Variants in GALNT18 observed in about 807,000 individuals in gnomAD.
GALNT18 encodes polypeptide N-acetylgalactosaminyltransferase 18, also known as GalNAc-transferase 18.
In GALNT18, 44 loss-of-function variants were observed where a neutral mutation model predicts 69.5. The observed-to-expected ratio is 0.63, with a 90% CI of 0.50 to 0.81. The LOEUF (loss-of-function observed/expected upper bound fraction) is 0.81, where lower values mean the gene tolerates loss of function less well. Among genes scored for constraint, GALNT18 ranks in the 40% least tolerant of loss-of-function variants. The pLI, the probability that GALNT18 is intolerant of heterozygous loss-of-function variation, is 0.00. For missense variants in GALNT18, 715 were observed against 810.0 expected (o/e 0.88, Z 1.42); for synonymous variants, 364 against 318.2 (o/e 1.14, Z -1.53).
intron 6 of GALNT18, among the ~76,000 whole-genome samples, chr11:11,365,267 T>C (rs1007730519): frequency 2.6e-5 from 4 of 152,168 alleles, no homozygotes; most frequent in Non-Finnish European, 5.9e-5. Flanking sequence ...TGTTCCTGTG[T>C]TAGTTTGCTG....
Position 11,413,647 on chromosome 11 carries a change from C to T in GALNT18, c.595+18974G>A, listed in dbSNP as rs111371678. Among the ~76,000 whole-genome samples the T allele has an allele frequency of 5.3e-5, 8 of 152,152 alleles. No individual in the cohort carries two copies. The highest frequency in any genetic ancestry group is 1.3e-4 in the Admixed American group (2 of 15,282). ...CTCCACTCTGGGTCTGTGGCTGCAC[C>T]CGGGGCCCCAGCATGGAGCAGAGGG... On this transcript the variant is annotated intron_variant, in intron 3 of 10. Transcript: ENST00000227756. The surrounding 1 kb of genome is among the most constrained non-coding windows in gnomAD (Gnocchi z 4.7).
intron 1 of GALNT18, among the ~76,000 whole-genome samples, chr11:11,558,179 T>C (rs765113573): frequency 3.5e-4 from 53 of 152,174 alleles, no homozygotes; most frequent in Non-Finnish European, 6.6e-4. Context: ...CTTTTTTACA[T>C]TGTAATGTTT....
chr11:11,455,404 C>T (rs561303482), intron 1 of GALNT18, among the ~76,000 whole-genome samples: 6 of 152,210 alleles, frequency 3.9e-5, no homozygotes, highest in African/African-American at 1.4e-4. Flanking sequence ...GGAAAGGATG[C>T]TTGAAGTGAG....
intron 1 of GALNT18, among the ~76,000 whole-genome samples, chr11:11,453,278 G>A (rs576115522): frequency 6.6e-6 from 1 of 152,216 alleles, no homozygotes; most frequent in African/African-American, 2.4e-5. Context: ...AACCCTCCAA[G>A]GGCCTTCCGC....
rs777267204 is a variant in GALNT18 at position 11,352,204 on chromosome 11, G to A, written c.1093-11200C>T. 147 of 1,613,728 alleles carry A rather than the reference G, an allele frequency of 9.1e-5. 1 individual carries two copies. In the South Asian group the frequency reaches 1.4e-3, roughly 15 times the overall value. On this transcript the variant is annotated intron_variant, in intron 6 of 10. Transcript: ENST00000227756. ...GTAAGCCGTGACTGGTGGTCATATCGCAGCAGTTTGTCCAGGAAATCCAAG... is the reference window on the plus strand; with the variant it reads ...GTAAGCCGTGACTGGTGGTCATATCACAGCAGTTTGTCCAGGAAATCCAAG...
chr11:11,611,854 CT>C (rs1565041474), intron 1 of GALNT18, among the ~76,000 whole-genome samples: 1 of 152,198 alleles, frequency 6.6e-6, no homozygotes, highest in East Asian at 1.9e-4. Flanking sequence ...CTGTCCACAG[CT>C]TTGTGGTGGC....
At chr11:11,514,194 G>A (rs1857220369) in intron 1 of GALNT18, among the ~76,000 whole-genome samples, 1 of 152,248 alleles carries the variant, frequency 6.6e-6, no homozygotes, top group African/African-American at 2.4e-5. Context: ...ACTTATCTAA[G>A]TCACACAGGG....
At chr11:11,527,948 A>G (rs772148095) in intron 1 of GALNT18, among the ~76,000 whole-genome samples, 3 of 152,250 alleles carry the variant, frequency 2.0e-5, no homozygotes, top group Non-Finnish European at 4.4e-5. Context: ...ATATTTGCTG[A>G]GCATTTCTGA....
intron 3 of GALNT18, among the ~76,000 whole-genome samples, chr11:11,412,831 G>A (rs1589980525): frequency 6.6e-6 from 1 of 152,086 alleles, no homozygotes; most frequent in East Asian, 1.9e-4. Flanking sequence ...TTTTGTCCAT[G>A]GGCTTCATTC....
chr11:11,431,451 A>G (rs1331849723), intron 3 of GALNT18, among the ~76,000 whole-genome samples: 1 of 152,148 alleles, frequency 6.6e-6, no homozygotes, highest in Non-Finnish European at 1.5e-5. Flanking sequence ...CATGATAGAC[A>G]ATTACCTTTA....
intron 10 of GALNT18, among the ~76,000 whole-genome samples, chr11:11,277,287 G>T (rs916135515): frequency 3.3e-5 from 5 of 152,110 alleles, no homozygotes; most frequent in African/African-American, 1.2e-4. Context: ...AGATTTTCTA[G>T]TTTTTTTGTG....
chr11:11,302,535 G>C (rs1849515366), intron 9 of GALNT18, among the ~76,000 whole-genome samples: 1 of 152,108 alleles, frequency 6.6e-6, no homozygotes. Context: ...CTCCAGCAAA[G>C]TGCCTTGACA....
At chr11:11,316,643 T>C (rs17435455) in intron 9 of GALNT18, among the ~76,000 whole-genome samples, 14,096 of 152,304 alleles carry the variant, frequency 0.093, 703 homozygotes, top group Middle Eastern at 0.1. Context: ...TTTCTTCTCC[T>C]ATAACCAACA....
rs949853856 is a variant in GALNT18 at position 11,480,500 on chromosome 11, G to T, written c.236-31564C>A. ...TCACACTGCCTTCTGAGCTGCAGTG[G>T]TCCATGAAGCACGTTGTGAACGTAT... On this transcript the variant is annotated intron_variant, in intron 1 of 10. Coordinates refer to ENST00000227756, the MANE Select transcript of GALNT18 (RefSeq NM_198516.3). The surrounding 1 kb of genome is among the most constrained non-coding windows in gnomAD (Gnocchi z 4.6). Among the ~76,000 whole-genome samples the T allele has an allele frequency of 6.6e-6, 1 of 152,134 alleles. No individual in the cohort carries two copies. The highest frequency in any genetic ancestry group is 1.5e-5 in the Non-Finnish European group (1 of 68,028).
At chr11:11,296,704 T>G (rs1390641893) in intron 9 of GALNT18, among the ~76,000 whole-genome samples, 2 of 152,208 alleles carry the variant, frequency 1.3e-5, no homozygotes, top group African/African-American at 2.4e-5. Context: ...CTGGTACAGC[T>G]GTCATCAGAG....
chr11:11,287,014 C>G (rs1456974078), intron 10 of GALNT18, among the ~76,000 whole-genome samples: 1 of 152,176 alleles, frequency 6.6e-6, no homozygotes, highest in Non-Finnish European at 1.5e-5. Context: ...TGATGGTCCC[C>G]TGAACTCACC....
chr11:11,313,800 A>C (rs567272845), intron 9 of GALNT18, among the ~76,000 whole-genome samples: 6 of 152,228 alleles, frequency 3.9e-5, no homozygotes, highest in Admixed American at 3.9e-4. Flanking sequence ...TGCCTACTTC[A>C]AAGGGCCATT....
chr11:11,493,516 C>T (rs948967780), intron 1 of GALNT18, among the ~76,000 whole-genome samples: 2 of 151,960 alleles, frequency 1.3e-5, no homozygotes, highest in African/African-American at 2.4e-5. Flanking sequence ...ATAATATTAG[C>T]CAATATTGAG....
intron 2 of GALNT18, among the ~76,000 whole-genome samples, chr11:11,440,782 G>T (rs1440731726): frequency 6.6e-6 from 1 of 152,170 alleles, no homozygotes; most frequent in African/African-American, 2.4e-5. Context: ...GACAATAAAA[G>T]TGACTAAAAG....
Sources: gnomAD v4.1 joint callset for allele counts (sites outside exome capture counted in the v4.1 genomes callset) on GRCh38, gnomAD v4.1.1 for gene constraint, Gnocchi (gnomAD v3.1) non-coding constraint, MANE v1.5 for transcripts, NCBI Gene and HGNC (gene_info 2026-07-23, HGNC 2026-07-21) for gene names.